The following KCTD11 variants were observed in gnomAD, a reference collection of about 807,000 sequenced individuals.
The protein encoded by KCTD11 is BTB/POZ domain-containing protein KCTD11.
In KCTD11, 8 loss-of-function variants were observed where a neutral mutation model predicts 10.7. The observed-to-expected ratio is 0.74, with a 90% CI of 0.44 to 1.34. The LOEUF (loss-of-function observed/expected upper bound fraction) is 1.34. KCTD11 is among the 40% of genes most tolerant of loss of function. KCTD11 has a pLI of 0.01. For synonymous variants in KCTD11, 153 were observed against 160.8 expected (o/e 0.95, Z 0.37); for missense variants, 346 against 356.1 (o/e 0.97, Z 0.23).
At position 7,353,446 on chromosome 17, in the gene KCTD11, G is replaced by C; in HGVS notation, c.621G>C (p.Glu207Asp). 2 of 1,612,440 alleles carry C rather than the reference G, an allele frequency of 1.2e-6. No individual in the cohort carries two copies. Among genetic ancestry groups the C allele is most frequent in the Non-Finnish European group, 1.7e-6 (2 of 1,179,946 alleles). The change falls in exon 1 of 1, where the codon GAG (glutamate) becomes GAC (aspartate). Residue 207 changes from glutamate to aspartate, a missense_variant. Physicochemically the swap from Glu to Asp is conservative, Grantham distance 45. Coordinates refer to ENST00000333751, the MANE Select transcript of KCTD11 (RefSeq NM_001363642.1). This position sits in a 1 kb window ranked among gnomAD's most constrained non-coding sequence, Gnocchi z 4.9. ...CCCCCCGCCCCGTGGAACTCCCCGA[G>C]GTGGAGTATGGGAGACTGGGGCTGC...
rs775806056 is a variant in KCTD11, at chr17:7,353,243, G to T, written c.418G>T (p.Val140Leu). 38 of 1,613,624 alleles carry T rather than the reference G, an allele frequency of 2.4e-5. No homozygotes were observed. Among genetic ancestry groups the T allele is most frequent in the Admixed American group, 5.0e-5 (3 of 60,004 alleles). The stretch of plus-strand genomic sequence containing the variant: ...AGATGTAGATGTCAGCCCCCGCCTG[G>T]TGCACTTCTCTGCTCGCCGGGGACC... The change falls in exon 1 of 1, where the codon GTG becomes TTG. Residue 140 changes from valine to leucine, a missense_variant. By Grantham distance (32) the Val-to-Leu change is conservative. Coordinates refer to ENST00000333751, the MANE Select transcript of KCTD11 (RefSeq NM_001363642.1). This position sits in a 1 kb window ranked among gnomAD's most constrained non-coding sequence, Gnocchi z 4.9.
rs745822541 is a variant in KCTD11, at chr17:7,352,942, T to A, written c.117T>A (p.Ser39=). 1.3e-6 allele frequency: 2 copies of A among 1,579,228 alleles called. No homozygotes were observed. The highest frequency in any genetic ancestry group is 3.5e-5 in the Admixed American group (2 of 57,646). ...AGACCCTGACCCGCTTCCCAGACTC[T>A]ATGCTGGGGGCCATGTTTAGGGCCG... The change falls in exon 1 of 1, where the codon TCT becomes TCA. Residue 39 remains serine, a synonymous_variant. Coordinates refer to ENST00000333751, the MANE Select transcript of KCTD11 (RefSeq NM_001363642.1). The surrounding 1 kb of genome is among the most constrained non-coding windows in gnomAD (Gnocchi z 4.5).
In KCTD11 at chr17:7,353,648, T is replaced by G; in HGVS notation, c.*7T>G. On this transcript the variant is annotated 3_prime_UTR_variant, in exon 1 of 1. Coordinates refer to ENST00000333751, the MANE Select transcript of KCTD11 (RefSeq NM_001363642.1). The surrounding 1 kb of genome is among the most constrained non-coding windows in gnomAD (Gnocchi z 4.9). ...GCGCTTTGTCCGGCACTGAGGATGC[T>G]GTTCTCAGTTTGACTGTGGGGAGGA... 6.6e-7 allele frequency: 1 copy of G among 1,512,482 alleles called. No individual in the cohort carries two copies. The allele number at this position is 1,512,482 out of a possible 1,614,324, so 93.7% of individuals were successfully genotyped here.
At position 7,353,042 on chromosome 17, in the gene KCTD11, C is replaced by A; in HGVS notation, c.217C>A (p.Arg73=). Reference sequence around the variant, plus strand: ...CATCGACCGGGATGGCAAGGCCTTCCGGCACATCCTCAATTTCCTGAGGCT... The same window carrying A: ...CATCGACCGGGATGGCAAGGCCTTCAGGCACATCCTCAATTTCCTGAGGCT... Residue 73 remains arginine (R), a synonymous_variant, in exon 1 of 1, where the codon CGG becomes AGG. Coordinates refer to ENST00000333751, the MANE Select transcript of KCTD11 (RefSeq NM_001363642.1). This position sits in a 1 kb window ranked among gnomAD's most constrained non-coding sequence, Gnocchi z 4.9. 6.2e-7 allele frequency: 1 copy of A among 1,613,602 alleles called. No homozygotes were observed. Among genetic ancestry groups the A allele is most frequent in the South Asian group, 1.1e-5 (1 of 91,088 alleles).
chr17:7,352,891 G>T lies in KCTD11; in HGVS notation c.66G>T (p.Gly22=). The change falls in exon 1 of 1, where the codon GGG becomes GGT. Residue 22 remains glycine (G), a synonymous_variant. Transcript: ENST00000333751. The surrounding 1 kb of genome is among the most constrained non-coding windows in gnomAD (Gnocchi z 4.5). ...GGGGCCCCGTGACCCTGAATGTGGG[G>T]GGCACACTATATTCCACCACTTTGG... is the stretch of plus-strand genomic sequence containing the variant. The T allele has an allele frequency of 6.8e-7, 1 of 1,479,302 alleles. No individual in the cohort carries two copies. The highest frequency in any genetic ancestry group is 1.3e-5 in the South Asian group (1 of 78,236). The allele number at this position is 1,479,302 out of a possible 1,614,324, so 91.6% of individuals were successfully genotyped here.
Position 7,353,738 on chromosome 17 carries a change from C to A in KCTD11, c.*97C>A. On this transcript the variant is annotated 3_prime_UTR_variant, in exon 1 of 1. Transcript: ENST00000333751. This position sits in a 1 kb window ranked among gnomAD's most constrained non-coding sequence, Gnocchi z 4.9. ...GCTCTGCTTCAGGAGCTATGAGAGT[C>A]GGGACTCTCCTGCACCTGACTGGAG... is the stretch of plus-strand genomic sequence containing the variant. The A allele has an allele frequency of 8.4e-7, 1 of 1,190,896 alleles. No homozygotes were observed. The highest frequency in any genetic ancestry group is 1.7e-5 in the South Asian group (1 of 58,666). 73.8% of individuals were successfully genotyped at this position (1,190,896 alleles called of 1,614,324 possible).
Position 7,352,189 on chromosome 17 carries a change from C to G in KCTD11, c.-637C>G, listed in dbSNP as rs527554461. 6.6e-6 allele frequency: 1 copy of G among 152,356 alleles called. No individual in the cohort carries two copies. 9.4% of individuals were successfully genotyped at this position (152,356 alleles called of 1,614,324 possible). ...TTCCTGGGGGCGGAGAGGACCTCAG[C>G]GGCTGCGGCGACACCCAGGGAAGGC... On this transcript the variant is annotated 5_prime_UTR_variant, in exon 1 of 1. Coordinates refer to ENST00000333751, the MANE Select transcript of KCTD11 (RefSeq NM_001363642.1). The surrounding 1 kb of genome is among the most constrained non-coding windows in gnomAD (Gnocchi z 4.5).
Position 7,353,462 on chromosome 17 carries a change from CTG to C in KCTD11, c.638_639del (p.Leu213ArgfsTer66), listed in dbSNP as rs1178868292. On this transcript the variant is annotated frameshift_variant, in exon 1 of 1. Transcript: ENST00000333751. LOFTEE classifies it high-confidence loss of function. This position sits in a 1 kb window ranked among gnomAD's most constrained non-coding sequence, Gnocchi z 4.9. ...ACTCCCCGAGGTGGAGTATGGGAGACTGGGGCTGCAGCCGCTGTGGACTGGGG... is the reference window on the plus strand; with the variant it reads ...ACTCCCCGAGGTGGAGTATGGGAGACGGGCTGCAGCCGCTGTGGACTGGGG... The C allele has an allele frequency of 6.2e-7, 1 of 1,609,748 alleles. No individual in the cohort carries two copies. Among genetic ancestry groups the C allele is most frequent in the Non-Finnish European group, 8.5e-7 (1 of 1,178,276 alleles).
chr17:7,353,549 G>A lies in KCTD11; in HGVS notation c.724G>A (p.Val242Met), dbSNP rs1418842361. 2 of 1,563,504 alleles carry A rather than the reference G, an allele frequency of 1.3e-6. No homozygotes were observed. Among genetic ancestry groups the A allele is most frequent in the South Asian group, 1.2e-5 (1 of 83,562 alleles). ...AAGCTTCCTGGAGGAGGTGCTGCGGGTGGCTCTCGAGCACGGCTTCCGACT... is the reference window on the plus strand; with the variant it reads ...AAGCTTCCTGGAGGAGGTGCTGCGGATGGCTCTCGAGCACGGCTTCCGACT... The change falls in exon 1 of 1, where the codon GTG (valine) becomes ATG (methionine). Residue 242 changes from valine (V) to methionine (M), a missense_variant. Coordinates refer to ENST00000333751, the MANE Select transcript of KCTD11 (RefSeq NM_001363642.1). The surrounding 1 kb of genome is among the most constrained non-coding windows in gnomAD (Gnocchi z 4.9).
Position 7,353,096 on chromosome 17 carries a change from GGA to G in KCTD11, c.276_277del (p.Glu92AspfsTer9), listed in dbSNP as rs2073429832. The G allele has an allele frequency of 6.2e-7, 1 of 1,613,448 alleles. No individual in the cohort carries two copies. On this transcript the variant is annotated frameshift_variant, in exon 1 of 1. Coordinates refer to ENST00000333751, the MANE Select transcript of KCTD11 (RefSeq NM_001363642.1). LOFTEE classifies it high-confidence loss of function. The surrounding 1 kb of genome is among the most constrained non-coding windows in gnomAD (Gnocchi z 4.9). ...CCGCCTGGACCTGCCCCGTGGGTACGGAGAGACAGCGCTGCTCAGGGCAGAGG... is the reference window on the plus strand; with the variant it reads ...CCGCCTGGACCTGCCCCGTGGGTACGGAGACAGCGCTGCTCAGGGCAGAGG...
rs17732672 is a variant in KCTD11 at position 7,354,136 on chromosome 17, G to T, written c.*495G>T. On this transcript the variant is annotated 3_prime_UTR_variant, in exon 1 of 1. Transcript: ENST00000333751. ...AACACTCTGGAACATCGGAAGAGGA[G>T]TTCTTTGCTATGTTCCAAGCCATCT... 0.06 allele frequency: 10,183 copies of T among 169,252 alleles called. 370 individuals carry two copies. Among genetic ancestry groups the T allele is most frequent in the Middle Eastern group, 0.14 (41 of 298 alleles). 10.5% of individuals were successfully genotyped at this position (169,252 alleles called of 1,614,324 possible).
Position 7,353,037 on chromosome 17 carries a change from C to T in KCTD11, c.212C>T (p.Ala71Val). 1.9e-6 allele frequency: 3 copies of T among 1,613,632 alleles called. No individual in the cohort carries two copies. Among genetic ancestry groups the T allele is most frequent in the Non-Finnish European group, 1.7e-6 (2 of 1,179,916 alleles). ...TACTTCATCGACCGGGATGGCAAGG[C>T]CTTCCGGCACATCCTCAATTTCCTG... Residue 71 changes from alanine to valine, a missense_variant, in exon 1 of 1, where the codon GCC (alanine) becomes GTC (valine). Physicochemically the swap from Ala to Val is moderately conservative, Grantham distance 64. Transcript: ENST00000333751. The surrounding 1 kb of genome is among the most constrained non-coding windows in gnomAD (Gnocchi z 4.9).
At position 7,352,766 on chromosome 17, in the gene KCTD11, T is replaced by C; in HGVS notation, c.-60T>C. The stretch of plus-strand genomic sequence containing the variant: ...GAATCTGACAGCTTCGACCCAATTC[T>C]GCACACACCCAGGAAGTTCTGCCTT... On this transcript the variant is annotated 5_prime_UTR_variant, in exon 1 of 1. Transcript: ENST00000333751. This position sits in a 1 kb window ranked among gnomAD's most constrained non-coding sequence, Gnocchi z 4.5. 1 of 590,436 alleles carries C rather than the reference T, an allele frequency of 1.7e-6. No individual in the cohort carries two copies. The highest frequency in any genetic ancestry group is 2.8e-5 in the East Asian group (1 of 36,002). The allele number at this position is 590,436 out of a possible 1,614,324, so 36.6% of individuals were successfully genotyped here.
rs778091992 is a variant in KCTD11 at position 7,353,095 on chromosome 17, C to T, written c.270C>T (p.Tyr90=). The T allele has an allele frequency of 1.9e-6, 3 of 1,613,318 alleles. No individual in the cohort carries two copies. The highest frequency in any genetic ancestry group is 1.1e-5 in the South Asian group (1 of 91,062). Residue 90 remains tyrosine (Y), a synonymous_variant, in exon 1 of 1, where the codon TAC becomes TAT. Coordinates refer to ENST00000333751, the MANE Select transcript of KCTD11 (RefSeq NM_001363642.1). This position sits in a 1 kb window ranked among gnomAD's most constrained non-coding sequence, Gnocchi z 4.9. Reference sequence around the variant, plus strand: ...GCCGCCTGGACCTGCCCCGTGGGTACGGAGAGACAGCGCTGCTCAGGGCAG... The same window carrying T: ...GCCGCCTGGACCTGCCCCGTGGGTATGGAGAGACAGCGCTGCTCAGGGCAG...
In KCTD11 at chr17:7,352,929, G is replaced by A. The variant is rs373843007; in HGVS notation, c.104G>A (p.Arg35His). 7.7e-6 allele frequency: 12 copies of A among 1,560,870 alleles called. No individual in the cohort carries two copies. Among genetic ancestry groups the A allele is most frequent in the African/African-American group, 2.7e-5 (2 of 73,594 alleles). The change falls in exon 1 of 1, where the codon CGC becomes CAC. Residue 35 changes from arginine to histidine, a missense_variant. Arg to His is a conservative substitution (Grantham distance 29, BLOSUM62 0). Transcript: ENST00000333751. The surrounding 1 kb of genome is among the most constrained non-coding windows in gnomAD (Gnocchi z 4.5). The stretch of plus-strand genomic sequence containing the variant: ...TCCACCACTTTGGAGACCCTGACCC[G>A]CTTCCCAGACTCTATGCTGGGGGCC...
rs2073442289 is a variant in KCTD11, at chr17:7,353,710, C to A, written c.*69C>A. 2.1e-6 allele frequency: 3 copies of A among 1,404,802 alleles called. No individual in the cohort carries two copies. The highest frequency in any genetic ancestry group is 4.8e-5 in the Admixed American group (2 of 41,546). 87.0% of individuals were successfully genotyped at this position (1,404,802 alleles called of 1,614,324 possible). A position where few individuals can be genotyped will look rare whatever the true frequency, so the allele number is the denominator to read the frequency against. On this transcript the variant is annotated 3_prime_UTR_variant, in exon 1 of 1. Transcript: ENST00000333751. The surrounding 1 kb of genome is among the most constrained non-coding windows in gnomAD (Gnocchi z 4.9). ...GTACTAGCACCCCTGAAGCCTCTTT[C>A]CAGCTCTGCTTCAGGAGCTATGAGA...
Position 7,353,174 on chromosome 17 carries a change from G to C in KCTD11, c.349G>C (p.Ala117Pro). Reference sequence around the variant, plus strand: ...CCTGGACGCGCTGCGGGAACTGGAGGCCTCTCAGGGGACCCCTGCACCCAC... The same window carrying C: ...CCTGGACGCGCTGCGGGAACTGGAGCCCTCTCAGGGGACCCCTGCACCCAC... Residue 117 changes from alanine to proline, a missense_variant, in exon 1 of 1, where the codon GCC becomes CCC. By Grantham distance (27) the Ala-to-Pro change is conservative. Transcript: ENST00000333751. The surrounding 1 kb of genome is among the most constrained non-coding windows in gnomAD (Gnocchi z 4.9). The C allele has an allele frequency of 2.5e-6, 4 of 1,613,352 alleles. No individual in the cohort carries two copies. In the South Asian group the frequency reaches 4.4e-5, roughly 18 times the overall value.
chr17:7,352,794 C>T lies in KCTD11; in HGVS notation c.-32C>T. The T allele has an allele frequency of 1.6e-6, 1 of 641,394 alleles. No homozygotes were observed. Among genetic ancestry groups the T allele is most frequent in the East Asian group, 2.7e-5 (1 of 37,672 alleles). The allele number at this position is 641,394 out of a possible 1,614,324, so 39.7% of individuals were successfully genotyped here. ...ACACACCCAGGAAGTTCTGCCTTTT[C>T]TTTTCTTTCGGTGTCTCCTGTACTT... On this transcript the variant is annotated 5_prime_UTR_variant, in exon 1 of 1. Transcript: ENST00000333751. The surrounding 1 kb of genome is among the most constrained non-coding windows in gnomAD (Gnocchi z 4.5).
At position 7,352,328 on chromosome 17, in the gene KCTD11, C is replaced by A. The variant is rs571699757; in HGVS notation, c.-498C>A. The A allele has an allele frequency of 1.3e-5, 2 of 153,750 alleles. No homozygotes were observed. Among genetic ancestry groups the A allele is most frequent in the East Asian group, 3.8e-4 (2 of 5,212 alleles). The allele number at this position is 153,750 out of a possible 1,614,324, so 9.5% of individuals were successfully genotyped here. Reference sequence around the variant, plus strand: ...GGCGGATACAAGGGGGCTCCGCCATCCGCTCCCGTCAGTTCGGCCTCCATC... The same window carrying A: ...GGCGGATACAAGGGGGCTCCGCCATACGCTCCCGTCAGTTCGGCCTCCATC... On this transcript the variant is annotated 5_prime_UTR_variant, in exon 1 of 1. Transcript: ENST00000333751. This position sits in a 1 kb window ranked among gnomAD's most constrained non-coding sequence, Gnocchi z 4.5.
Sources: gnomAD v4.1 joint callset for allele counts on GRCh38, gnomAD v4.1.1 for gene constraint, Gnocchi (gnomAD v3.1) non-coding constraint, MANE v1.5 for transcripts, NCBI Gene and HGNC (gene_info 2026-07-23, HGNC 2026-07-21) for gene names.